The following CDH10 variants were observed in gnomAD, a reference collection of about 807,000 sequenced individuals.
CDH10 encodes cadherin-10.
CDH10 carries 30 observed loss-of-function variants against 73.1 expected under a neutral mutation model. The observed-to-expected ratio is 0.41, with a 90% CI of 0.31 to 0.56. The LOEUF is 0.56. Ranked by LOEUF, CDH10 falls within the 20% of genes least tolerant of loss-of-function variation. CDH10 has a pLI of 0.27. For synonymous variants in CDH10, 345 were observed against 348.2 expected, an observed-to-expected ratio of 0.99 and a Z score of 0.10; for missense variants, 815 against 973.7, an observed-to-expected ratio of 0.84 and a Z score of 2.17.
At chr5:24,556,906 C>G (rs957239506) in intron 2 of CDH10, among the ~76,000 whole-genome samples, 2 of 151,578 alleles carry the variant, frequency 1.3e-5, no homozygotes, top group Non-Finnish European at 3.0e-5. Context: ...AAAAGTATTT[C>G]TATATATATT....
intron 5 of CDH10, among the ~76,000 whole-genome samples, chr5:24,524,359 A>G (rs1463440262): frequency 6.6e-6 from 1 of 152,062 alleles, no homozygotes. Context: ...TCTTCCTCCA[A>G]GGGTGTTTGA....
chr5:24,642,354 T>C (rs763743054), intron 1 of CDH10, among the ~76,000 whole-genome samples: 4 of 152,132 alleles, frequency 2.6e-5, no homozygotes, highest in African/African-American at 4.8e-5. Flanking sequence ...TTGCCTCAGT[T>C]ATTTGCTTAT....
At chr5:24,590,186 T>C (rs1351765408) in intron 2 of CDH10, among the ~76,000 whole-genome samples, 1 of 151,518 alleles carries the variant, frequency 6.6e-6, no homozygotes, top group African/African-American at 2.4e-5. Context: ...GAATTGAGCA[T>C]GGTTGACTTT....
intron 2 of CDH10, among the ~76,000 whole-genome samples, chr5:24,568,839 C>T (rs1006050410): frequency 6.6e-6 from 1 of 152,036 alleles, no homozygotes; most frequent in South Asian, 2.1e-4. Context: ...TGTCCAGGAG[C>T]GGTGGTTCAC....
Position 24,500,686 on chromosome 5 carries a change from C to A in CDH10, c.1394-2167G>T, listed in dbSNP as rs560064198. ...TTACTTGTAAAATTAGGAGTTAATG[C>A]GTGAAAATTTCTTATGAAAGTATCA... On this transcript the variant is annotated intron_variant, in intron 8 of 11. Coordinates refer to ENST00000264463, the MANE Select transcript of CDH10 (RefSeq NM_006727.5). 3.3e-5 allele frequency among the ~76,000 whole-genome samples: 5 copies of A among 152,226 alleles called. No individual in the cohort carries two copies. The South Asian group carries it at 1.0e-3, about 32-fold the overall frequency.
At chr5:24,641,213 A>C (rs1313316231) in intron 1 of CDH10, among the ~76,000 whole-genome samples, 1 of 151,998 alleles carries the variant, frequency 6.6e-6, no homozygotes, top group Non-Finnish European at 1.5e-5. Context: ...TCATACTAAA[A>C]TGTCAAGTGA....
At chr5:24,545,555 C>T (rs1744308114) in intron 2 of CDH10, among the ~76,000 whole-genome samples, 1 of 152,024 alleles carries the variant, frequency 6.6e-6, no homozygotes, top group African/African-American at 2.4e-5. Flanking sequence ...TGGCTCATAC[C>T]TATAATCTCG....
chr5:24,548,678 A>T (rs180801837), intron 2 of CDH10, among the ~76,000 whole-genome samples: 108 of 152,226 alleles, frequency 7.1e-4, no homozygotes, highest in African/African-American at 2.4e-3. Context: ...CATCTTAGCC[A>T]ACTTAACATA....
At chr5:24,498,596 G>A in intron 8 of CDH10, 77 bp from the exon 9 acceptor site, 4 of 901,682 alleles carry the variant, frequency 4.4e-6, no homozygotes, top group South Asian at 1.6e-5. Flanking sequence ...GCATCTTGTG[G>A]GTATGAAGTG....
chr5:24,499,802 G>T (rs1742425261), intron 8 of CDH10, among the ~76,000 whole-genome samples: 1 of 151,894 alleles, frequency 6.6e-6, no homozygotes, highest in South Asian at 2.1e-4. Flanking sequence ...GGTTATAATT[G>T]CATTTTTCCT....
rs1742902981 is a variant in CDH10, at chr5:24,511,505, T to C, written c.824A>G (p.His275Arg). 1 of 1,551,664 alleles carries C rather than the reference T, an allele frequency of 6.4e-7. No individual in the cohort carries two copies. Among genetic ancestry groups the C allele is most frequent in the South Asian group, 1.1e-5 (1 of 89,730 alleles). Residue 275 changes from histidine to arginine, a missense_variant, in exon 6 of 12, where the codon CAT becomes CGT. Transcript: ENST00000264463. Reference protein sequence around the residue: ...NPPRFPQNTIHLRVLESSPVG... With the variant: ...NPPRFPQNTIRLRVLESSPVG... ...TGGGGAGGATTCAAGAACTCGAAGATGAATAGTGTCTGTAAAGTATAAAGA... is the reference window on the plus strand; with the variant it reads ...TGGGGAGGATTCAAGAACTCGAAGACGAATAGTGTCTGTAAAGTATAAAGA...
intron 9 of CDH10, among the ~76,000 whole-genome samples, chr5:24,494,354 C>T (rs1325407439): frequency 1.3e-5 from 2 of 151,724 alleles, no homozygotes; most frequent in African/African-American, 4.8e-5. Context: ...GTCAAATGTA[C>T]TCTTAAGGAT....
chr5:24,502,145 A>T (rs2111708461), intron 8 of CDH10, among the ~76,000 whole-genome samples: 1 of 152,036 alleles, frequency 6.6e-6, no homozygotes, highest in Non-Finnish European at 1.5e-5. Context: ...GATGGTCTCG[A>T]TCACCTGACC....
At chr5:24,537,780 G>A (rs1744012732) in intron 2 of CDH10, 106 bp from the exon 3 acceptor site, 9 of 657,126 alleles carry the variant, frequency 1.4e-5, no homozygotes, top group South Asian at 3.9e-5. Flanking sequence ...CAACGGGGTC[G>A]GCTATCCTAC....
intron 2 of CDH10, among the ~76,000 whole-genome samples, chr5:24,585,139 C>A (rs747753588): frequency 6.6e-6 from 1 of 152,166 alleles, no homozygotes; most frequent in South Asian, 2.1e-4. Flanking sequence ...AGCCACTGCA[C>A]CCGGCCCACT....
intron 1 of CDH10, among the ~76,000 whole-genome samples, chr5:24,633,942 T>C (rs1747787175): frequency 6.6e-6 from 1 of 151,782 alleles, no homozygotes; most frequent in South Asian, 2.1e-4. Flanking sequence ...CACCGAAATA[T>C]GTTATTTTCC....
chr5:24,627,298 A>G (rs1165001766), intron 1 of CDH10, among the ~76,000 whole-genome samples: 3 of 152,142 alleles, frequency 2.0e-5, no homozygotes, highest in Non-Finnish European at 4.4e-5. Context: ...TAATAAAATA[A>G]AACAGTGTTT....
intron 11 of CDH10, 113 bp from the exon 12 acceptor site, chr5:24,488,266 T>C: frequency 1.1e-6 from 1 of 916,454 alleles, no homozygotes; most frequent in Non-Finnish European, 1.6e-6. Flanking sequence ...CAGCTTAGAC[T>C]TTCAGATTAA....
chr5:24,520,174 G>C (rs1743260650), intron 5 of CDH10, among the ~76,000 whole-genome samples: 1 of 152,034 alleles, frequency 6.6e-6, no homozygotes, highest in Non-Finnish European at 1.5e-5. Flanking sequence ...TGTAGACATA[G>C]GTCATATAGA....
Sources: gnomAD v4.1 joint callset for allele counts (sites outside exome capture counted in the v4.1 genomes callset) on GRCh38, gnomAD v4.1.1 for gene constraint, MANE v1.5 for transcripts, NCBI Gene and HGNC (gene_info 2026-07-23, HGNC 2026-07-21) for gene names.